The following CAPS2 variants were observed in gnomAD, a reference collection of about 807,000 sequenced individuals.
The protein encoded by CAPS2 is calcyphosin-2.
In CAPS2, 98 loss-of-function variants were observed where a neutral mutation model predicts 86.5. That is an observed-to-expected ratio of 1.13 (90% CI 0.96 to 1.34). The LOEUF (loss-of-function observed/expected upper bound fraction) is 1.34. Among genes scored for constraint, CAPS2 ranks in the 40% most tolerant of loss-of-function variants. CAPS2 has a pLI of 0.00. For synonymous variants in CAPS2, 210 were observed against 225.1 expected (o/e 0.93, Z 0.60); for missense variants, 729 against 686.8 (o/e 1.06, Z -0.69).
upstream of CAPS2, chr12:75,335,028 A>C: frequency 1.2e-6 from 1 of 838,472 alleles, no homozygotes; most frequent in African/African-American, 1.7e-5. Flanking sequence ...TTAAAAAGAA[A>C]AAAATTCACA....
exon 17 of CAPS2, chr12:75,278,339 A>G: frequency 1.0e-6 from 1 of 984,232 alleles, no homozygotes; most frequent in Non-Finnish European, 1.2e-6. Context: ...TATACAGAAA[A>G]CATCTATAAT....
intron 1 of CAPS2, chr12:75,371,083 T>C (rs569950564): frequency 6.6e-6 from 1 of 152,434 alleles, no homozygotes; most frequent in South Asian, 2.1e-4. Flanking sequence ...ACTCACATGA[T>C]CTATAGGTGA....
At chr12:75,294,097 G>C (rs2138387393) in intron 11 of CAPS2, among the ~76,000 whole-genome samples, 1 of 151,870 alleles carries the variant, frequency 6.6e-6, no homozygotes, top group East Asian at 1.9e-4. Context: ...ACGCCCGGCT[G>C]GTTCTTATCT....
chr12:75,386,206 T>C (rs1292904430), intron 1 of CAPS2, among the ~76,000 whole-genome samples: 2 of 152,236 alleles, frequency 1.3e-5, no homozygotes, highest in Admixed American at 1.3e-4. Context: ...AGCCAATACA[T>C]TGGATGAGAA....
chr12:75,342,840 C>T (rs149606165), intron 1 of CAPS2, among the ~76,000 whole-genome samples: 1,628 of 152,074 alleles, frequency 0.011, 20 homozygotes, highest in African/African-American at 0.032. Flanking sequence ...TCTTTTACAA[C>T]TTCTTTCAGT....
intron 1 of CAPS2, among the ~76,000 whole-genome samples, chr12:75,376,218 G>C (rs2044639487): frequency 1.3e-5 from 2 of 152,080 alleles, no homozygotes; most frequent in Admixed American, 1.3e-4. Context: ...AACTCCCCAA[G>C]CTGCAACATT....
intron 1 of CAPS2, among the ~76,000 whole-genome samples, chr12:75,367,647 A>G (rs1323409253): frequency 6.6e-6 from 1 of 152,112 alleles, no homozygotes; most frequent in Non-Finnish European, 1.5e-5. Context: ...ATGCTTTTGT[A>G]TATTAGTCTA....
At chr12:75,315,734 G>A (rs1016412541) in intron 6 of CAPS2, among the ~76,000 whole-genome samples, 1 of 152,058 alleles carries the variant, frequency 6.6e-6, no homozygotes, top group Non-Finnish European at 1.5e-5. Context: ...AATCACTTGG[G>A]TTTCTGGGGT....
intron 1 of CAPS2, among the ~76,000 whole-genome samples, chr12:75,356,259 A>G (rs2139509322): frequency 6.6e-6 from 1 of 152,360 alleles, no homozygotes; most frequent in East Asian, 1.9e-4. Flanking sequence ...TGTCAACTGA[A>G]AATTCTATAC....
intron 13 of CAPS2, among the ~76,000 whole-genome samples, chr12:75,290,925 A>AAAAAAAAAAC (rs767786125): frequency 3.2e-3 from 197 of 60,972 alleles, no homozygotes; most frequent in South Asian, 0.017. Flanking sequence ...CTCTCTCTCA[A>AAAAAAAAAAC]AAAAAAAAAC....
upstream of CAPS2, chr12:75,329,918 C>T: frequency 6.8e-7 from 1 of 1,468,662 alleles, no homozygotes; most frequent in Non-Finnish European, 9.3e-7. Flanking sequence ...GACAGTCAGC[C>T]TGATTTCACC....
At chr12:75,334,697 C>T (rs1189585503), upstream of CAPS2, 1 of 1,597,230 alleles carries the variant, frequency 6.3e-7, no homozygotes, top group Admixed American at 1.7e-5. Context: ...TCCGCGCAGT[C>T]AGGGCATCCT....
At chr12:75,328,411 TC>T (rs2040988448), upstream of CAPS2, among the ~76,000 whole-genome samples, 1 of 152,126 alleles carries the variant, frequency 6.6e-6, no homozygotes. Context: ...AACATGTAAA[TC>T]CTCAAATGTC....
chr12:75,369,106 T>A (rs914446356), intron 1 of CAPS2, among the ~76,000 whole-genome samples: 2 of 151,978 alleles, frequency 1.3e-5, no homozygotes, highest in African/African-American at 2.4e-5. Flanking sequence ...CAGTTATATA[T>A]GTAGACCTTG....
At chr12:75,319,297 G>T (rs2138958162) in intron 5 of CAPS2, among the ~76,000 whole-genome samples, 1 of 152,204 alleles carries the variant, frequency 6.6e-6, no homozygotes, top group East Asian at 1.9e-4. Context: ...GGTCATGGAG[G>T]TCGATCTCTC....
intron 7 of CAPS2, among the ~76,000 whole-genome samples, chr12:75,310,153 C>G (rs1275072744): frequency 6.6e-6 from 1 of 152,024 alleles, no homozygotes; most frequent in Non-Finnish European, 1.5e-5. Context: ...AGCTCACATT[C>G]TGAAGAGGCT....
At chr12:75,333,241 T>C (rs1169619951), upstream of CAPS2, among the ~76,000 whole-genome samples, 1 of 81,634 alleles carries the variant, frequency 1.2e-5, no homozygotes, top group East Asian at 4.1e-4. Flanking sequence ...TATATATGTC[T>C]ATAGGCAGAC....
At chr12:75,278,008 C>A in exon 17 of CAPS2, 1 of 892,912 alleles carries the variant, frequency 1.1e-6, no homozygotes, top group Middle Eastern at 5.8e-4. Context: ...TATGCTTTCA[C>A]ATTTTAGGCA....
intron 1 of CAPS2, among the ~76,000 whole-genome samples, chr12:75,335,135 G>A (rs1165277483): frequency 6.6e-6 from 1 of 152,120 alleles, no homozygotes; most frequent in East Asian, 1.9e-4. Context: ...GGGGATGCTG[G>A]AGCAGTGTTT....
Sources: gnomAD v4.1 joint callset for allele counts (sites outside exome capture counted in the v4.1 genomes callset) on GRCh38, gnomAD v4.1.1 for gene constraint, MANE v1.5 for transcripts, NCBI Gene and HGNC (gene_info 2026-07-23, HGNC 2026-07-21) for gene names.